PDE8A: variants seen among roughly 807,000 people sequenced by gnomAD.
PDE8A encodes the protein phosphodiesterase 8A.
PDE8A carries 59 observed loss-of-function variants against 105.0 expected under a neutral mutation model. That is an observed-to-expected ratio of 0.56 (90% confidence interval 0.46 to 0.70). The LOEUF (loss-of-function observed/expected upper bound fraction) is 0.70. Ranked by LOEUF, PDE8A falls within the 30% of genes least tolerant of loss-of-function variation. The probability of loss-of-function intolerance (pLI) is 0.00; values close to 1 mark genes in which losing one functional copy is unlikely to be tolerated. For synonymous variants in PDE8A, 355 were observed against 371.9 expected (o/e 0.95, Z 0.52); for missense variants, 1,014 against 1,045.9 (o/e 0.97, Z 0.42).
chr15:85,112,277 C>T (rs2082032050), intron 12 of PDE8A, among the ~76,000 whole-genome samples: 1 of 152,012 alleles, frequency 6.6e-6, no homozygotes, highest in South Asian at 2.1e-4. Context: ...CGTGTATTAC[C>T]TCATACACTT....
At chr15:85,084,643 A>G (rs998128026) in intron 6 of PDE8A, among the ~76,000 whole-genome samples, 4 of 152,206 alleles carry the variant, frequency 2.6e-5, no homozygotes, top group African/African-American at 9.7e-5. Flanking sequence ...ATTTTATCCA[A>G]TCAAGAATCA....
chr15:85,042,109 A>G (rs770892783), intron 1 of PDE8A, among the ~76,000 whole-genome samples: 27 of 152,180 alleles, frequency 1.8e-4, no homozygotes, highest in Non-Finnish European at 2.8e-4. Context: ...AGTATAGGCC[A>G]GTTGCTAGTT....
intron 18 of PDE8A, among the ~76,000 whole-genome samples, chr15:85,121,388 A>C (rs1170945913): frequency 6.6e-6 from 1 of 152,212 alleles, no homozygotes; most frequent in Non-Finnish European, 1.5e-5. Context: ...ACACCACTGC[A>C]CTCCAGCTTG....
rs1555472866 is a variant in PDE8A, at chr15:85,066,609, C to CACACAT, written c.244-400_244-399insTACACA. Among the ~76,000 whole-genome samples the CACACAT allele has an allele frequency of 7.6e-4, 68 of 89,870 alleles. 1 individual carries two copies. The highest frequency in any genetic ancestry group is 6.3e-3 in the Middle Eastern group (1 of 160). 59.0% of individuals were successfully genotyped at this position (89,870 alleles called of 152,430 possible). A position where few individuals can be genotyped will look rare whatever the true frequency, so the allele number is the denominator to read the frequency against. ...ACACACACACACACACACACACACA[C>CACACAT]ACACACACACACACACACACACACA... is the stretch of plus-strand genomic sequence containing the variant. On this transcript the variant is annotated intron_variant, in intron 2 of 21. Transcript: ENST00000394553.
chr15:84,994,854 C>T (rs1479129469), intron 1 of PDE8A, among the ~76,000 whole-genome samples: 2 of 151,792 alleles, frequency 1.3e-5, no homozygotes, highest in Non-Finnish European at 2.9e-5. Flanking sequence ...ATCCTAGCTA[C>T]TAGAGGCTGA....
intron 1 of PDE8A, among the ~76,000 whole-genome samples, chr15:85,048,749 C>T (rs368432444): frequency 6.6e-6 from 1 of 152,108 alleles, no homozygotes; most frequent in Non-Finnish European, 1.5e-5. Flanking sequence ...CTTCCTGTAC[C>T]GTGAGAGTAT....
chr15:85,050,197 A>G (rs1016638230), intron 1 of PDE8A, among the ~76,000 whole-genome samples: 1 of 152,170 alleles, frequency 6.6e-6, no homozygotes, highest in Non-Finnish European at 1.5e-5. Context: ...GGGGTTCTCT[A>G]TATATTGTAG....
chr15:85,021,887 C>G (rs750406466), intron 1 of PDE8A, among the ~76,000 whole-genome samples: 3 of 152,230 alleles, frequency 2.0e-5, no homozygotes, highest in Non-Finnish European at 2.9e-5. Flanking sequence ...GTCCTCCTTA[C>G]TGCATCATAT....
Position 85,115,469 on chromosome 15 carries a change from T to C in PDE8A, c.1381T>C (p.Tyr461His), listed in dbSNP as rs2082081151. ...TTTGCGAAGACTATCAGGGAATGAA[T>C]ATGTTCTTTCAACAAAAAGTAAGTT... is the stretch of plus-strand genomic sequence containing the variant. ...DGLRRLSGNE[Y>H]VLSTKNTQMV... Residue 461 changes from tyrosine to histidine, a missense_variant, in exon 15 of 22, where the codon TAT (tyrosine) becomes CAT (histidine). Transcript: ENST00000394553. 2.0e-6 allele frequency: 3 copies of C among 1,532,092 alleles called. No individual in the cohort carries two copies. The highest frequency in any genetic ancestry group is 2.6e-6 in the Non-Finnish European group (3 of 1,137,982). 94.9% of individuals were successfully genotyped at this position (1,532,092 alleles called of 1,614,324 possible). A position where few individuals can be genotyped will look rare whatever the true frequency, so the allele number is the denominator to read the frequency against.
At position 85,120,818 on chromosome 15, in the gene PDE8A, G is replaced by A. The variant is rs745722996; in HGVS notation, c.1756G>A (p.Glu586Lys). The A allele has an allele frequency of 1.4e-5, 22 of 1,607,272 alleles. 1 individual carries two copies. The highest frequency in any genetic ancestry group is 1.7e-4 in the Middle Eastern group (1 of 6,044). ...TCAGGAAACTTTAGATCCAATTGATGAGGTCGCTGCACTCATCGCAGCCAC... is the reference window on the plus strand; with the variant it reads ...TCAGGAAACTTTAGATCCAATTGATAAGGTCGCTGCACTCATCGCAGCCAC... ...RIKETLDPIDEVAALIAATIH... is the reference protein window; with the variant it reads ...RIKETLDPIDKVAALIAATIH... Residue 586 changes from glutamate to lysine, a missense_variant, in exon 18 of 22, where the codon GAG becomes AAG. Transcript: ENST00000394553.
chr15:85,134,543 A>ACTC (rs200198338), intron 20 of PDE8A, among the ~76,000 whole-genome samples: 1 of 42,986 alleles, frequency 2.3e-5, no homozygotes, highest in African/African-American at 2.9e-4. Flanking sequence ...AGCGTTCCCC[A>ACTC]CTCCTCTTAC....
At position 85,115,482 on chromosome 15, in the gene PDE8A, C is replaced by T; in HGVS notation, c.1394C>T (p.Thr465Ile). The change falls in exon 15 of 22, where the codon ACA (threonine) becomes ATA (isoleucine). Residue 465 changes from threonine to isoleucine, a missense_variant. Thr to Ile is a moderately conservative substitution (Grantham distance 89, BLOSUM62 -1). Coordinates refer to ENST00000394553, the MANE Select transcript of PDE8A (RefSeq NM_002605.3). Reference protein sequence around the residue: ...RLSGNEYVLSTKNTQMVSSNI... With the variant: ...RLSGNEYVLSIKNTQMVSSNI... ...TCAGGGAATGAATATGTTCTTTCAA[C>T]AAAAAGTAAGTTTTTCCTTTTTAAT... 2 of 1,499,272 alleles carry T rather than the reference C, an allele frequency of 1.3e-6. No homozygotes were observed. Among genetic ancestry groups the T allele is most frequent in the Non-Finnish European group, 1.8e-6 (2 of 1,111,182 alleles). 92.9% of individuals were successfully genotyped at this position (1,499,272 alleles called of 1,614,324 possible).
In PDE8A at chr15:85,138,269, C is replaced by T. The variant is rs1451884567; in HGVS notation, c.*366C>T. ...TGCAAACAATTCTCTCAGTTACGTT[C>T]AGCACTTAAGAACGGCTAATGGCAA... is the stretch of plus-strand genomic sequence containing the variant. On this transcript the variant is annotated 3_prime_UTR_variant, in exon 22 of 22. Transcript: ENST00000394553. 2 of 175,590 alleles carry T rather than the reference C, an allele frequency of 1.1e-5. No homozygotes were observed. The highest frequency in any genetic ancestry group is 2.4e-5 in the Non-Finnish European group (2 of 83,252). 10.9% of individuals were successfully genotyped at this position (175,590 alleles called of 1,614,324 possible).
chr15:84,991,305 C>T (rs2079882319), intron 1 of PDE8A, among the ~76,000 whole-genome samples: 1 of 152,064 alleles, frequency 6.6e-6, no homozygotes, highest in South Asian at 2.1e-4. Flanking sequence ...AAAACAACCG[C>T]CCAGTTGAAA....
intron 1 of PDE8A, among the ~76,000 whole-genome samples, chr15:85,044,627 C>G (rs994258364): frequency 2.6e-5 from 4 of 152,194 alleles, no homozygotes; most frequent in African/African-American, 9.6e-5. Context: ...AGTGTCCTGT[C>G]CATCAGCAAG....
chr15:85,073,658 T>C (rs1478550524), intron 3 of PDE8A, among the ~76,000 whole-genome samples: 1 of 152,252 alleles, frequency 6.6e-6, no homozygotes, highest in African/African-American at 2.4e-5. Flanking sequence ...ATCTCTGTGA[T>C]ATGATGGAAA....
chr15:85,055,509 A>G (rs1047689796), intron 1 of PDE8A, among the ~76,000 whole-genome samples: 1 of 152,156 alleles, frequency 6.6e-6, no homozygotes, highest in Non-Finnish European at 1.5e-5. Context: ...TTGGGTGCAT[A>G]TATATTTAGG....
chr15:85,062,680 A>G (rs970133929), intron 1 of PDE8A: 1 of 152,208 alleles, frequency 6.6e-6, no homozygotes, highest in African/African-American at 2.4e-5. Context: ...TTAGGAACAC[A>G]TGCACAGCTG....
chr15:85,075,895 A>C lies in PDE8A; in HGVS notation c.468A>C (p.Thr156=), dbSNP rs1196497943. ...SIRSSKLSEN[T]VIVGVVRRVD... is the part of the protein sequence containing the mutation. ...GATCATCAAAACTCTCAGAAAACAC[A>C]GTTATTGTTGGTGTAGTACGCAGGT... is the stretch of plus-strand genomic sequence containing the variant. Residue 156 remains threonine (T), a synonymous_variant, in exon 4 of 22, where the codon ACA becomes ACC. Coordinates refer to ENST00000394553, the MANE Select transcript of PDE8A (RefSeq NM_002605.3). 2 of 1,575,346 alleles carry C rather than the reference A, an allele frequency of 1.3e-6. No homozygotes were observed. Among genetic ancestry groups the C allele is most frequent in the Admixed American group, 3.4e-5 (2 of 58,962 alleles).
Sources: gnomAD v4.1 joint callset for allele counts (sites outside exome capture counted in the v4.1 genomes callset) on GRCh38, gnomAD v4.1.1 for gene constraint, MANE v1.5 for transcripts, NCBI Gene and HGNC (gene_info 2026-07-23, HGNC 2026-07-21) for gene names.